Variants in TNPO1 observed in about 807,000 individuals in gnomAD.
TNPO1 encodes the protein transportin 1.
TNPO1 carries 8 observed loss-of-function variants against 119.5 expected under a neutral mutation model. The ratio of observed to expected loss-of-function variants is 0.07; its 90% CI spans 0.04 to 0.12. The LOEUF (loss-of-function observed/expected upper bound fraction) is 0.12, where lower values mean the gene tolerates loss of function less well. Among genes scored for constraint, TNPO1 ranks in the 10% least tolerant of loss-of-function variants. TNPO1 has a pLI of 1.00. For missense variants in TNPO1, 576 were observed against 1,089.8 expected (o/e 0.53, Z 6.64); for synonymous variants, 362 against 363.0 (o/e 1.00, Z 0.03).
chr5:72,889,507 A>T (rs554019691), intron 13 of TNPO1, among the ~76,000 whole-genome samples: 5 of 152,112 alleles, frequency 3.3e-5, no homozygotes, highest in African/African-American at 1.2e-4. Flanking sequence ...ATTGTTAAGC[A>T]TATACTAAAT....
At chr5:72,857,851 A>G (rs1184515022) in intron 4 of TNPO1, among the ~76,000 whole-genome samples, 3 of 152,232 alleles carry the variant, frequency 2.0e-5, no homozygotes, top group East Asian at 3.8e-4. Flanking sequence ...TTTATCTCCT[A>G]ATGAGTACTT....
chr5:72,881,391 T>TA (rs1748237179), intron 9 of TNPO1, among the ~76,000 whole-genome samples: 1 of 152,198 alleles, frequency 6.6e-6, no homozygotes, highest in South Asian at 2.1e-4. Context: ...ATTCTCTGTT[T>TA]ATCTGACAAA....
chr5:72,885,331 A>C (rs1748540418), intron 11 of TNPO1, among the ~76,000 whole-genome samples: 1 of 152,206 alleles, frequency 6.6e-6, no homozygotes, highest in South Asian at 2.1e-4. Flanking sequence ...ATTACTTCCC[A>C]GTGTATCCCT....
chr5:72,878,939 A>AT (rs1369277197), intron 9 of TNPO1: 1 of 505,254 alleles, frequency 2.0e-6, no homozygotes, highest in Non-Finnish European at 4.0e-6. Context: ...TTGCTTTGAA[A>AT]TTTGGCACGA....
chr5:72,912,880 T>C lies in TNPO1; in HGVS notation c.*4207T>C, dbSNP rs1261609496. The C allele has an allele frequency of 6.6e-6, 1 of 152,522 alleles. No individual in the cohort carries two copies. Among genetic ancestry groups the C allele is most frequent in the Non-Finnish European group, 1.5e-5 (1 of 67,920 alleles). The allele number at this position is 152,522 out of a possible 1,614,324, so 9.4% of individuals were successfully genotyped here. ...ACAGATAATGGTGCAAAAGCATTCT[T>C]CCCAGGGGAAGAGTGTATCATGCAT... On this transcript the variant is annotated 3_prime_UTR_variant, in exon 25 of 25. Coordinates refer to ENST00000337273, the MANE Select transcript of TNPO1 (RefSeq NM_002270.4).
chr5:72,893,819 A>T (rs1449834125), intron 18 of TNPO1, 116 bp downstream of exon 18: 5 of 971,454 alleles, frequency 5.1e-6, no homozygotes, highest in Non-Finnish European at 7.8e-6. Flanking sequence ...ATAAATGTAC[A>T]CTTTATTGGT....
chr5:72,830,875 A>G (rs1744426470), intron 1 of TNPO1, among the ~76,000 whole-genome samples: 1 of 152,162 alleles, frequency 6.6e-6, no homozygotes. Flanking sequence ...GTGTTTTTGA[A>G]ATAGTAATTA....
chr5:72,874,999 G>T (rs1465102782), intron 7 of TNPO1, among the ~76,000 whole-genome samples: 1 of 151,906 alleles, frequency 6.6e-6, no homozygotes, highest in African/African-American at 2.4e-5. Flanking sequence ...CAGATCTTCT[G>T]CTGGTTATCA....
At chr5:72,824,303 C>T (rs1212450409) in intron 1 of TNPO1, among the ~76,000 whole-genome samples, 3 of 152,232 alleles carry the variant, frequency 2.0e-5, no homozygotes, top group Non-Finnish European at 4.4e-5. Context: ...CACTTCACCA[C>T]ATTACCCCAA....
At chr5:72,817,390 C>T (rs1743746954) in intron 1 of TNPO1, among the ~76,000 whole-genome samples, 2 of 152,192 alleles carry the variant, frequency 1.3e-5, no homozygotes, top group South Asian at 2.1e-4. Flanking sequence ...CACTCCCATG[C>T]GTACAAGCAA....
rs776092578 is a variant in TNPO1 at position 72,816,752 on chromosome 5, G to A, written c.15G>A (p.Arg5=). 1 of 1,585,574 alleles carries A rather than the reference G, an allele frequency of 6.3e-7. No individual in the cohort carries two copies. The highest frequency in any genetic ancestry group is 1.8e-5 in the Admixed American group (1 of 56,880). The change falls in exon 1 of 25, where the codon CGG becomes CGA. Residue 5 remains arginine (R), a splice_region_variant and synonymous_variant. Transcript: ENST00000337273. The part of the protein sequence containing the change: MVWD[R]QTKMEYEWKP... ...AGGCGTCTGGGATGGTGTGGGACCGGGTAGGTGGCGTGAGGGTGCGCGGCC... is the reference window on the plus strand; with the variant it reads ...AGGCGTCTGGGATGGTGTGGGACCGAGTAGGTGGCGTGAGGGTGCGCGGCC...
chr5:72,902,954 A>G (rs1360622519), intron 22 of TNPO1, among the ~76,000 whole-genome samples: 2 of 152,168 alleles, frequency 1.3e-5, no homozygotes, highest in Admixed American at 6.5e-5. Flanking sequence ...AAATTAGTGA[A>G]GTTTTCTGAA....
In TNPO1 at chr5:72,883,197, T is replaced by C. The variant is rs1258662701; in HGVS notation, c.1115T>C (p.Ile372Thr). Residue 372 changes from isoleucine (I) to threonine (T), a missense_variant, in exon 11 of 25, where the codon ATT becomes ACT. This residue lies in a region of TNPO1 where 310 missense variants were observed against 583.0 expected (regional missense o/e 0.53). Coordinates refer to ENST00000337273, the MANE Select transcript of TNPO1 (RefSeq NM_002270.4). Reference sequence around the variant, plus strand: ...GAGGAAGATGATGATGATGATGAAATTGATGATGATGATACAATTTCTGAC... The same window carrying C: ...GAGGAAGATGATGATGATGATGAAACTGATGATGATGATACAATTTCTGAC... ...IEEEDDDDDEIDDDDTISDWN... is the reference protein window; with the variant it reads ...IEEEDDDDDETDDDDTISDWN... 9 of 1,562,930 alleles carry C rather than the reference T, an allele frequency of 5.8e-6. No homozygotes were observed. The highest frequency in any genetic ancestry group is 4.4e-5 in the South Asian group (4 of 90,062).
At chr5:72,863,777 A>G (rs547480393) in intron 5 of TNPO1, among the ~76,000 whole-genome samples, 2 of 152,172 alleles carry the variant, frequency 1.3e-5, no homozygotes, top group South Asian at 4.1e-4. Context: ...ATACACTGAT[A>G]AGATTACAGA....
intron 9 of TNPO1, chr5:72,878,692 T>C (rs975071055): frequency 2.4e-5 from 5 of 212,256 alleles, no homozygotes; most frequent in African/African-American, 1.2e-4. Flanking sequence ...AGGAAATCTA[T>C]TAATTGTTCT....
intron 4 of TNPO1, 48 bp from the exon 5 acceptor site, chr5:72,861,760 C>T (rs766449131): frequency 1.5e-6 from 2 of 1,352,804 alleles, no homozygotes; most frequent in Non-Finnish European, 2.1e-6. Context: ...ATGGCAATGC[C>T]TGACATAATG....
chr5:72,825,881 A>C (rs1160184309), intron 1 of TNPO1: 1 of 152,216 alleles, frequency 6.6e-6, no homozygotes, highest in East Asian at 1.9e-4. Flanking sequence ...TGTTATAGCA[A>C]CCCGAATGGA....
At chr5:72,826,701 TA>T (rs1043594716) in intron 1 of TNPO1, among the ~76,000 whole-genome samples, 1 of 152,214 alleles carries the variant, frequency 6.6e-6, no homozygotes, top group African/African-American at 2.4e-5. Context: ...CTAGGAAAGT[TA>T]AGGCGTATTT....
chr5:72,857,322 A>AG (rs1291496658), intron 4 of TNPO1, among the ~76,000 whole-genome samples: 21 of 152,140 alleles, frequency 1.4e-4, no homozygotes, highest in Non-Finnish European at 2.1e-4. Flanking sequence ...GTCTCAAAAA[A>AG]AAAAAAAGAG....
Sources: allele counts gnomAD v4.1 joint callset (sites outside exome capture counted in the v4.1 genomes callset), GRCh38; gene constraint gnomAD v4.1.1; regional missense constraint gnomAD v4.1.1; transcripts MANE v1.5; gene names NCBI Gene and HGNC (gene_info 2026-07-23, HGNC 2026-07-21).